MTIF2: variants seen among roughly 807,000 people sequenced by gnomAD.
The protein encoded by MTIF2 is mitochondrial translational initiation factor 2.
In MTIF2, 71 loss-of-function variants were observed where a neutral mutation model predicts 83.5. That is an observed-to-expected ratio of 0.85 (90% CI 0.70 to 1.04). The LOEUF (loss-of-function observed/expected upper bound fraction) is 1.04, where lower values mean the gene tolerates loss of function less well. Among genes scored for constraint, MTIF2 ranks in the 50% least tolerant of loss-of-function variants. MTIF2 has a pLI of 0.00. For synonymous variants in MTIF2, 319 were observed against 287.1 expected (o/e 1.11, Z -1.12); for missense variants, 957 against 846.5 (o/e 1.13, Z -1.62).
chr2:55,262,457 AAAGG>A (rs781462318), intron 4 of MTIF2, 30 bp from the exon 5 acceptor site: 2 of 1,452,106 alleles, frequency 1.4e-6, no homozygotes, highest in Non-Finnish European at 1.9e-6. Context: ...ATATAAACAA[AAAGG>A]AAGAAAAAAC....
At chr2:55,246,563 A>G in intron 9 of MTIF2, 102 bp from the exon 10 acceptor site, 1 of 958,180 alleles carries the variant, frequency 1.0e-6, no homozygotes, top group Non-Finnish European at 1.6e-6. Flanking sequence ...GTTATATTAT[A>G]CTTTTCTCTT....
chr2:55,245,299 A>C (rs1414260839), intron 10 of MTIF2, among the ~76,000 whole-genome samples: 2 of 152,146 alleles, frequency 1.3e-5, no homozygotes, highest in African/African-American at 4.8e-5. Flanking sequence ...AGGCGGTTGG[A>C]TCACCTGAGG....
At chr2:55,253,988 T>C in intron 7 of MTIF2, 53 bp downstream of exon 7, 2 of 1,579,752 alleles carry the variant, frequency 1.3e-6, no homozygotes, top group South Asian at 1.1e-5. Flanking sequence ...ACATTTAGTT[T>C]AAGAAAATAA....
chr2:55,261,540 G>A (rs1162333495), intron 5 of MTIF2, among the ~76,000 whole-genome samples: 1 of 151,904 alleles, frequency 6.6e-6, no homozygotes, highest in East Asian at 2.0e-4. Flanking sequence ...CTGGGAGGCG[G>A]AGGTTGCAGG....
At chr2:55,253,974 T>C in intron 7 of MTIF2, 67 bp downstream of exon 7, 4 of 1,515,086 alleles carry the variant, frequency 2.6e-6, no homozygotes, top group Non-Finnish European at 3.6e-6. Flanking sequence ...TATTTCATAC[T>C]ATGACATTTA....
chr2:55,252,443 A>C lies in MTIF2; in HGVS notation c.841+34T>G. On this transcript the variant is annotated intron_variant, in intron 8 of 15. Transcript: ENST00000263629. ...TAAATGGCCCCAGAACTTTGACTTTATGTAGTAGATCCATTAAGTCAGCCA... is the reference window on the plus strand; with the variant it reads ...TAAATGGCCCCAGAACTTTGACTTTCTGTAGTAGATCCATTAAGTCAGCCA... 2.5e-6 allele frequency: 4 copies of C among 1,593,804 alleles called. No individual in the cohort carries two copies. In the East Asian group the frequency reaches 9.0e-5, roughly 36 times the overall value.
chr2:55,254,710 T>C lies in MTIF2; in HGVS notation c.447A>G (p.Leu149=). The change falls in exon 6 of 16, where the codon TTA becomes TTG. Residue 149 remains leucine, a synonymous_variant. Transcript: ENST00000263629. ...TGTCCTGTTTTAATTTACTCCACTTTAACTTCATCCCTGCCTTCGTTATCA... is the reference window on the plus strand; with the variant it reads ...TGTCCTGTTTTAATTTACTCCACTTCAACTTCATCCCTGCCTTCGTTATCA... ...KEVITKAGMK[L]KWSKLKQDKV... is the part of the protein sequence containing the mutation. The C allele has an allele frequency of 6.2e-7, 1 of 1,610,314 alleles. No homozygotes were observed. The highest frequency in any genetic ancestry group is 8.5e-7 in the Non-Finnish European group (1 of 1,178,604).
intron 4 of MTIF2, 73 bp downstream of exon 4, chr2:55,263,567 G>T: frequency 8.4e-7 from 1 of 1,196,266 alleles, no homozygotes; most frequent in Non-Finnish European, 1.2e-6. Flanking sequence ...CTGAGATCGC[G>T]CCACGGCACT....
intron 3 of MTIF2, among the ~76,000 whole-genome samples, chr2:55,267,214 T>C (rs1678502544): frequency 6.6e-6 from 1 of 152,056 alleles, no homozygotes; most frequent in Non-Finnish European, 1.5e-5. Flanking sequence ...TGGAGTGCAA[T>C]GGCGTGATCT....
chr2:55,251,053 T>C (rs929764217), intron 8 of MTIF2, among the ~76,000 whole-genome samples: 1 of 134,792 alleles, frequency 7.4e-6, no homozygotes, highest in Non-Finnish European at 1.5e-5. Context: ...GAGGTTGAAG[T>C]GAGCCAAGAT....
intron 10 of MTIF2, 76 bp from the exon 11 acceptor site, chr2:55,244,309 A>C: frequency 9.0e-7 from 1 of 1,112,274 alleles, no homozygotes; most frequent in Non-Finnish European, 1.3e-6. Flanking sequence ...TATGAAGTTT[A>C]AGTTATATAA....
chr2:55,253,676 A>C (rs1677279979), intron 7 of MTIF2, among the ~76,000 whole-genome samples: 1 of 151,974 alleles, frequency 6.6e-6, no homozygotes, highest in South Asian at 2.1e-4. Context: ...TTAGCCAGGC[A>C]CGGTGGTGCA....
intron 9 of MTIF2, 149 bp downstream of exon 9, chr2:55,249,246 A>G (rs1367605562): frequency 5.0e-6 from 5 of 993,676 alleles, no homozygotes; most frequent in Non-Finnish European, 7.2e-6. Flanking sequence ...TGCCAAACCA[A>G]GATAATACCA....
chr2:55,247,479 G>C (rs1158326545), intron 9 of MTIF2, among the ~76,000 whole-genome samples: 6 of 152,154 alleles, frequency 3.9e-5, no homozygotes, highest in Non-Finnish European at 8.8e-5. Flanking sequence ...CTTGAACCCA[G>C]AGGCAGAGGT....
At chr2:55,262,451 A>T (rs763893858) in intron 4 of MTIF2, 24 bp from the exon 5 acceptor site, 1 of 1,511,722 alleles carries the variant, frequency 6.6e-7, no homozygotes, top group Non-Finnish European at 9.1e-7. Context: ...CAGAACATAT[A>T]AACAAAAAGG....
intron 7 of MTIF2, among the ~76,000 whole-genome samples, chr2:55,253,709 G>C (rs34447956): frequency 0.058 from 8,748 of 151,150 alleles, 290 homozygotes; most frequent in African/African-American, 0.077. Context: ...CAGCTACTTG[G>C]GAGGCTGAGG....
intron 3 of MTIF2, among the ~76,000 whole-genome samples, chr2:55,266,831 GATC>G (rs1678472893): frequency 7.4e-6 from 1 of 135,750 alleles, no homozygotes; most frequent in Admixed American, 8.2e-5. Context: ...TCAGTGGTGT[GATC>G]TCAGCCCACT....
chr2:55,239,524 G>A (rs1408645785), intron 14 of MTIF2, among the ~76,000 whole-genome samples: 1 of 151,620 alleles, frequency 6.6e-6, no homozygotes, highest in African/African-American at 2.4e-5. Flanking sequence ...ATCTACGTGG[G>A]GAGGAAAAAA....
chr2:55,262,544 T>TTC, intron 4 of MTIF2, 117 bp from the exon 5 acceptor site: 5 of 490,860 alleles, frequency 1.0e-5, no homozygotes, highest in South Asian at 5.9e-5. Context: ...TTTTTTTCTT[T>TTC]TTTTTTTTTT....
Sources: gnomAD v4.1 joint callset for allele counts (sites outside exome capture counted in the v4.1 genomes callset) on GRCh38, gnomAD v4.1.1 for gene constraint, MANE v1.5 for transcripts, NCBI Gene and HGNC (gene_info 2026-07-23, HGNC 2026-07-21) for gene names.